The following ADAM19 variants were observed in gnomAD, a reference collection of about 807,000 sequenced individuals.
The protein encoded by ADAM19 is disintegrin and metalloproteinase domain-containing protein 19.
A neutral mutation model predicts 114.7 loss-of-function variants in ADAM19; 65 were observed. That is an observed-to-expected ratio of 0.57 (90% CI 0.46 to 0.70). The LOEUF is 0.70. Ranked by LOEUF, ADAM19 falls within the 30% of genes least tolerant of loss-of-function variation. The pLI is 0.00. For synonymous variants in ADAM19, 466 were observed against 460.5 expected (o/e 1.01, Z -0.15); for missense variants, 1,063 against 1,204.7 (o/e 0.88, Z 1.74).
chr5:157,546,965 T>C (rs1311853339), intron 3 of ADAM19, among the ~76,000 whole-genome samples: 1 of 152,182 alleles, frequency 6.6e-6, no homozygotes, highest in Non-Finnish European at 1.5e-5. Flanking sequence ...CCTCAGCTGC[T>C]GGAATGGGCA....
chr5:157,549,096 G>T (rs1757123437), intron 3 of ADAM19, among the ~76,000 whole-genome samples: 1 of 152,104 alleles, frequency 6.6e-6, no homozygotes, highest in Admixed American at 6.5e-5. Flanking sequence ...AGCCCAAATT[G>T]TTCTTCAGTG....
Position 157,478,683 on chromosome 5 carries a change from A to C in ADAM19, c.*2266T>G. ...AGCATTAGTAGAACTGGTTGCCGAA[A>C]GTCTATCAAATTCCAAAACATTCCA... On this transcript the variant is annotated 3_prime_UTR_variant, in exon 23 of 23. Transcript: ENST00000257527. The C allele has an allele frequency of 1.0e-6, 1 of 985,910 alleles. No individual in the cohort carries two copies. Among genetic ancestry groups the C allele is most frequent in the Non-Finnish European group, 1.2e-6 (1 of 829,950 alleles). The allele number at this position is 985,910 out of a possible 1,614,324, so 61.1% of individuals were successfully genotyped here. A position where few individuals can be genotyped will look rare whatever the true frequency, so the allele number is the denominator to read the frequency against.
At chr5:157,556,249 C>T (rs1757366075) in intron 3 of ADAM19, among the ~76,000 whole-genome samples, 1 of 108,040 alleles carries the variant, frequency 9.3e-6, no homozygotes, top group African/African-American at 3.6e-5. Context: ...GATGGGGTCT[C>T]ACTCTATTGC....
intron 11 of ADAM19, among the ~76,000 whole-genome samples, chr5:157,504,684 T>TG (rs1011205010): frequency 6.6e-6 from 1 of 152,044 alleles, no homozygotes; most frequent in Non-Finnish European, 1.5e-5. Flanking sequence ...CCTAATGGTG[T>TG]GGGGTGAAGG....
chr5:157,539,893 C>T (rs911657045), intron 3 of ADAM19, among the ~76,000 whole-genome samples: 4 of 152,172 alleles, frequency 2.6e-5, no homozygotes, highest in African/African-American at 4.8e-5. Flanking sequence ...AACTAGTTAC[C>T]GAATGAATGG....
intron 3 of ADAM19, among the ~76,000 whole-genome samples, chr5:157,551,878 G>A (rs1561553835): frequency 6.6e-6 from 1 of 152,156 alleles, no homozygotes; most frequent in African/African-American, 2.4e-5. Flanking sequence ...AACAAGCTGG[G>A]TGCCTTGACT....
In ADAM19 at chr5:157,508,720, G is replaced by A. The variant is rs1016322781; in HGVS notation, c.905+581C>T. Among the ~76,000 whole-genome samples, 6 of 152,228 alleles carry A rather than the reference G, an allele frequency of 3.9e-5. No individual in the cohort carries two copies. The South Asian group carries it at 6.2e-4, about 16-fold the overall frequency. On this transcript the variant is annotated intron_variant, in intron 9 of 22. Coordinates refer to ENST00000257527, the MANE Select transcript of ADAM19 (RefSeq NM_033274.5). ...ATAAATACCAAATAATCACCCTGGGGCACTGTCACATGTGACCCCCATCAC... is the reference window on the plus strand; with the variant it reads ...ATAAATACCAAATAATCACCCTGGGACACTGTCACATGTGACCCCCATCAC...
At chr5:157,496,867 G>C in intron 14 of ADAM19, 27 bp downstream of exon 14, 2 of 1,515,620 alleles carry the variant, frequency 1.3e-6, no homozygotes, top group Non-Finnish European at 1.8e-6. Context: ...GGGCTGGGGA[G>C]AGCCGTGCTC....
intron 21 of ADAM19, among the ~76,000 whole-genome samples, chr5:157,483,422 A>G (rs1754825318): frequency 6.6e-6 from 1 of 152,228 alleles, no homozygotes; most frequent in Admixed American, 6.5e-5. Context: ...GCACTTAAAA[A>G]GAATGAAGTA....
chr5:157,548,009 G>A (rs1198708440), intron 3 of ADAM19, among the ~76,000 whole-genome samples: 1 of 152,020 alleles, frequency 6.6e-6, no homozygotes, highest in African/African-American at 2.4e-5. Flanking sequence ...CCTTCCTCCT[G>A]CTCTCTGTTC....
intron 4 of ADAM19, among the ~76,000 whole-genome samples, chr5:157,534,653 A>G (rs1274008430): frequency 6.6e-6 from 1 of 152,138 alleles, no homozygotes. Flanking sequence ...GCGAGGCCCT[A>G]TGTCTAAAAT....
Position 157,477,573 on chromosome 5 carries a change from A to G in ADAM19, c.*3376T>C, listed in dbSNP as rs1754631277. ...CTTTGGAAATGTGGGCTTGGATTCT[A>G]CAGAACCTCTCCTTCGCAGGCTCCC... On this transcript the variant is annotated 3_prime_UTR_variant, in exon 23 of 23. Coordinates refer to ENST00000257527, the MANE Select transcript of ADAM19 (RefSeq NM_033274.5). The G allele has an allele frequency of 8.1e-7, 1 of 1,236,954 alleles. No homozygotes were observed. The highest frequency in any genetic ancestry group is 2.7e-5 in the Admixed American group (1 of 36,934). 76.6% of individuals were successfully genotyped at this position (1,236,954 alleles called of 1,614,324 possible).
At chr5:157,539,785 A>G (rs1756868038) in intron 3 of ADAM19, among the ~76,000 whole-genome samples, 2 of 152,308 alleles carry the variant, frequency 1.3e-5, no homozygotes, top group South Asian at 4.1e-4. Flanking sequence ...CATTTGCCTG[A>G]GGGAGAAAAG....
intron 3 of ADAM19, among the ~76,000 whole-genome samples, chr5:157,543,205 C>G (rs62388509): frequency 0.086 from 13,159 of 152,170 alleles, 728 homozygotes; most frequent in East Asian, 0.24. Context: ...TGCTGGTTAG[C>G]CCATTAATTA....
At chr5:157,519,286 C>T (rs1287881079) in intron 6 of ADAM19, among the ~76,000 whole-genome samples, 1 of 152,168 alleles carries the variant, frequency 6.6e-6, no homozygotes, top group Non-Finnish European at 1.5e-5. Flanking sequence ...GTAGTGTCTA[C>T]TCCAATAGGG....
intron 1 of ADAM19, among the ~76,000 whole-genome samples, chr5:157,571,260 G>T (rs1400593689): frequency 6.6e-6 from 1 of 152,202 alleles, no homozygotes; most frequent in Non-Finnish European, 1.5e-5. Flanking sequence ...TGGGGTCATG[G>T]AGTAAAGAGA....
In ADAM19 at chr5:157,479,454, G is replaced by C. The variant is rs73814806; in HGVS notation, c.*1495C>G. The C allele has an allele frequency of 1.0e-6, 1 of 985,830 alleles. No individual in the cohort carries two copies. Among genetic ancestry groups the C allele is most frequent in the Non-Finnish European group, 1.2e-6 (1 of 830,040 alleles). The allele number at this position is 985,830 out of a possible 1,614,324, so 61.1% of individuals were successfully genotyped here. ...GTGAGAGTCAGGCCAGCTCCTGTCC[G>C]GAGAGCCACCCAGCACCTTTGTGGA... is the stretch of plus-strand genomic sequence containing the variant. On this transcript the variant is annotated 3_prime_UTR_variant, in exon 23 of 23. Transcript: ENST00000257527.
At chr5:157,542,640 G>A (rs1455221525) in intron 3 of ADAM19, among the ~76,000 whole-genome samples, 2 of 152,126 alleles carry the variant, frequency 1.3e-5, no homozygotes, top group African/African-American at 4.8e-5. Flanking sequence ...GCGAAAGCCC[G>A]TCTCTACAAA....
intron 9 of ADAM19, among the ~76,000 whole-genome samples, chr5:157,508,465 C>T (rs1204671029): frequency 1.3e-5 from 2 of 151,960 alleles, no homozygotes; most frequent in Non-Finnish European, 1.5e-5. Flanking sequence ...AAAAATTGGC[C>T]GGGCATGGTG....
Sources: gnomAD v4.1 joint callset for allele counts (sites outside exome capture counted in the v4.1 genomes callset) on GRCh38, gnomAD v4.1.1 for gene constraint, MANE v1.5 for transcripts, NCBI Gene and HGNC (gene_info 2026-07-23, HGNC 2026-07-21) for gene names.